The following DPP10 variants were observed in gnomAD, a reference collection of about 807,000 sequenced individuals.
The protein encoded by DPP10 is dipeptidyl peptidase like 10.
In DPP10, 33 loss-of-function variants were observed where a neutral mutation model predicts 120.9. The ratio of observed to expected loss-of-function variants is 0.27; its 90% CI spans 0.21 to 0.37. The LOEUF (loss-of-function observed/expected upper bound fraction) is 0.37. Ranked by LOEUF, DPP10 falls within the 10% of genes least tolerant of loss-of-function variation. DPP10 has a pLI of 1.00. For missense variants in DPP10, 816 were observed against 942.8 expected, an observed-to-expected ratio of 0.87 and a Z score of 1.76; for synonymous variants, 337 against 326.1, an observed-to-expected ratio of 1.03 and a Z score of -0.36.
chr2:115,806,992 C>G (rs1445004471), intron 19 of DPP10, among the ~76,000 whole-genome samples: 2 of 152,070 alleles, frequency 1.3e-5, no homozygotes, highest in African/African-American at 2.4e-5. Context: ...ATAAAATGTG[C>G]TAAGCTTTCT....
chr2:115,353,989 T>A (rs976090938), intron 3 of DPP10, among the ~76,000 whole-genome samples: 2 of 152,164 alleles, frequency 1.3e-5, no homozygotes, highest in Admixed American at 6.6e-5. Context: ...ATTTTCTTTG[T>A]AATTGTATAT....
intron 1 of DPP10, among the ~76,000 whole-genome samples, chr2:114,971,541 G>A (rs1699395825): frequency 6.6e-6 from 1 of 152,124 alleles, no homozygotes. Flanking sequence ...GTTTCACACA[G>A]AGATGTAAAT....
intron 1 of DPP10, among the ~76,000 whole-genome samples, chr2:114,470,466 G>A (rs1026117517): frequency 1.7e-4 from 26 of 152,078 alleles, no homozygotes; most frequent in African/African-American, 6.3e-4. Context: ...TATTGTATAG[G>A]ATTTCTACAT....
intron 1 of DPP10, among the ~76,000 whole-genome samples, chr2:114,869,940 A>G (rs1326459670): frequency 2.0e-5 from 3 of 152,164 alleles, no homozygotes; most frequent in Non-Finnish European, 2.9e-5. Flanking sequence ...AAAGGCTTGT[A>G]TTTACCCTCT....
chr2:115,127,065 G>C (rs890812722), intron 1 of DPP10, among the ~76,000 whole-genome samples: 1 of 152,188 alleles, frequency 6.6e-6, no homozygotes, highest in Non-Finnish European at 1.5e-5. Flanking sequence ...AGTCTAGTAA[G>C]TGAAAATGCC....
intron 1 of DPP10, among the ~76,000 whole-genome samples, chr2:114,767,895 CAGATCACCTGAGGTCAGG>C (rs1271677444): frequency 6.6e-6 from 1 of 152,028 alleles, no homozygotes; most frequent in Non-Finnish European, 1.5e-5. Context: ...CCGAGGCAGG[CAGATCACCTGAGGTCAGG>C]AGTTTGAAAC....
chr2:115,707,560 T>C (rs1339356597), intron 7 of DPP10, among the ~76,000 whole-genome samples: 1 of 150,826 alleles, frequency 6.6e-6, no homozygotes, highest in Non-Finnish European at 1.5e-5. Flanking sequence ...CCTGTAAATA[T>C]ATTACACATG....
intron 3 of DPP10, among the ~76,000 whole-genome samples, chr2:115,410,855 A>C (rs1392543214): frequency 6.6e-6 from 1 of 152,230 alleles, no homozygotes; most frequent in African/African-American, 2.4e-5. Context: ...ATAGTAATTT[A>C]AACATCATTT....
chr2:114,985,237 C>G (rs1193575085), intron 1 of DPP10, among the ~76,000 whole-genome samples: 1 of 151,836 alleles, frequency 6.6e-6, no homozygotes, highest in African/African-American at 2.4e-5. Flanking sequence ...TTCCTTCTGT[C>G]TTGAATGCTC....
rs530823411 is a variant in DPP10 at position 114,808,068 on chromosome 2, G to A, written c.60+365230G>A. ...CTCCAAGAGAAAACGTTTCAGCAGC[G>A]CTGGACAGAAACACATACCCTTTTA... On this transcript the variant is annotated intron_variant, in intron 1 of 25. Coordinates refer to ENST00000410059, the MANE Select transcript of DPP10 (RefSeq NM_020868.6). Among the ~76,000 whole-genome samples, 21 of 152,232 alleles carry A rather than the reference G, an allele frequency of 1.4e-4. No individual in the cohort carries two copies. The South Asian group carries it at 2.1e-3, about 15-fold the overall frequency.
intron 2 of DPP10, among the ~76,000 whole-genome samples, chr2:115,333,692 T>C (rs1323187656): frequency 2.0e-5 from 3 of 152,112 alleles, no homozygotes; most frequent in Non-Finnish European, 4.4e-5. Context: ...AAGCTTGGTT[T>C]GGCTGGATAT....
At position 115,242,169 on chromosome 2, in the gene DPP10, CT is replaced by C. The variant is rs375768618; in HGVS notation, c.61-67069del. Among the ~76,000 whole-genome samples, 1,479 of 152,200 alleles carry C rather than the reference CT, an allele frequency of 9.7e-3. 27 individuals are homozygous for C. The highest frequency in any genetic ancestry group is 0.033 in the African/African-American group (1,368 of 41,534). ...CTCATGCTCTTCCCACCCTTTCCCC[CT>C]GAGTCCTCAAAGTCCATTGTATCAT... On this transcript the variant is annotated intron_variant, in intron 1 of 25. Coordinates refer to ENST00000410059, the MANE Select transcript of DPP10 (RefSeq NM_020868.6).
intron 1 of DPP10, among the ~76,000 whole-genome samples, chr2:115,221,559 G>C (rs1297471506): frequency 1.3e-5 from 2 of 152,030 alleles, no homozygotes; most frequent in East Asian, 3.9e-4. Flanking sequence ...TTACTATCTG[G>C]CCCTATATAG....
At chr2:115,451,467 A>G (rs1365187983) in intron 3 of DPP10, among the ~76,000 whole-genome samples, 1 of 151,878 alleles carries the variant, frequency 6.6e-6, no homozygotes, top group Non-Finnish European at 1.5e-5. Flanking sequence ...GCATCTTGCC[A>G]ATTGTCTCTA....
intron 5 of DPP10, among the ~76,000 whole-genome samples, chr2:115,646,239 G>A (rs917184098): frequency 2.0e-5 from 3 of 152,144 alleles, no homozygotes; most frequent in Admixed American, 6.6e-5. Context: ...TGGCAGTGAT[G>A]GAGATCAGAC....
chr2:114,687,602 C>T (rs536196923), intron 1 of DPP10, among the ~76,000 whole-genome samples: 1 of 151,950 alleles, frequency 6.6e-6, no homozygotes, highest in African/African-American at 2.4e-5. Flanking sequence ...AGCTTTCAAC[C>T]ACAGAATCCT....
At chr2:115,729,010 A>G (rs933430195) in intron 8 of DPP10, among the ~76,000 whole-genome samples, 1 of 152,226 alleles carries the variant, frequency 6.6e-6, no homozygotes, top group African/African-American at 2.4e-5. Context: ...TGCCAGCATG[A>G]AATAAGATTT....
chr2:115,424,446 A>AGT (rs1255940883), intron 3 of DPP10, among the ~76,000 whole-genome samples: 1 of 151,964 alleles, frequency 6.6e-6, no homozygotes, highest in East Asian at 1.9e-4. Flanking sequence ...ATTCTGCCTT[A>AGT]GTGTACTGTC....
chr2:115,422,475 C>T (rs2070066060), intron 3 of DPP10, among the ~76,000 whole-genome samples: 1 of 152,076 alleles, frequency 6.6e-6, no homozygotes, highest in Non-Finnish European at 1.5e-5. Flanking sequence ...GAGCAAAAGA[C>T]AAAATTATTT....
Sources: allele counts gnomAD v4.1 joint callset (sites outside exome capture counted in the v4.1 genomes callset), GRCh38; gene constraint gnomAD v4.1.1; transcripts MANE v1.5; gene names NCBI Gene and HGNC (gene_info 2026-07-23, HGNC 2026-07-21).